The following SLC24A2 variants were observed in gnomAD, a reference collection of about 807,000 sequenced individuals.
The protein encoded by SLC24A2 is solute carrier family 24 member 2.
In SLC24A2, 36 loss-of-function variants were observed where a neutral mutation model predicts 62.0. The ratio of observed to expected loss-of-function variants is 0.58; its 90% CI spans 0.44 to 0.77. SLC24A2 has a LOEUF of 0.77. SLC24A2 is among the 30% of genes least tolerant of loss of function. The pLI is 0.00. For synonymous variants in SLC24A2, 358 were observed against 294.0 expected, an observed-to-expected ratio of 1.22 and a Z score of -2.23; for missense variants, 846 against 817.9, an observed-to-expected ratio of 1.03 and a Z score of -0.42.
At chr9:20,124,396 A>T in the SLC24A2 span, among the ~76,000 whole-genome samples, 11 of 152,304 alleles carry the variant, frequency 7.2e-5, no homozygotes, top group African/African-American at 1.9e-4. Flanking sequence ...AGAAGAAAAA[A>T]GTTTTGGTAT....
chr9:20,141,956 G>A, the SLC24A2 span, among the ~76,000 whole-genome samples: 1 of 152,068 alleles, frequency 6.6e-6, no homozygotes, highest in South Asian at 2.1e-4. Context: ...AGTGGCAGGT[G>A]CGTATAATCC....
chr9:19,607,296 C>G (rs1336488320), intron 4 of SLC24A2, among the ~76,000 whole-genome samples: 1 of 152,204 alleles, frequency 6.6e-6, no homozygotes, highest in Non-Finnish European at 1.5e-5. Context: ...ACTCTGAGTC[C>G]TCCCTTCTGA....
chr9:20,127,261 A>C, the SLC24A2 span, among the ~76,000 whole-genome samples: 1 of 152,164 alleles, frequency 6.6e-6, no homozygotes, highest in East Asian at 1.9e-4. Flanking sequence ...AATCCCCAGC[A>C]AACATTCTGA....
the SLC24A2 span, among the ~76,000 whole-genome samples, chr9:20,285,491 C>T: frequency 1.3e-5 from 2 of 152,088 alleles, no homozygotes; most frequent in Admixed American, 6.6e-5. Flanking sequence ...TGTTTCAATT[C>T]CAAGGCATCA....
the SLC24A2 span, among the ~76,000 whole-genome samples, chr9:20,094,931 T>C: frequency 6.6e-6 from 1 of 152,196 alleles, no homozygotes; most frequent in Admixed American, 6.5e-5. Context: ...TTGCCACTTT[T>C]CAAGTTTGGG....
intron 4 of SLC24A2, among the ~76,000 whole-genome samples, chr9:19,617,007 A>G (rs1365715309): frequency 2.0e-5 from 3 of 152,314 alleles, no homozygotes; most frequent in South Asian, 2.1e-4. Context: ...TGACTAAAAC[A>G]GAGTGAAATT....
chr9:20,200,026 C>A, the SLC24A2 span, among the ~76,000 whole-genome samples: 1 of 151,794 alleles, frequency 6.6e-6, no homozygotes, highest in African/African-American at 2.4e-5. Flanking sequence ...ACACCGCGAC[C>A]AGCTGATATC....
At chr9:19,714,398 C>A (rs1238873781) in intron 2 of SLC24A2, among the ~76,000 whole-genome samples, 2 of 152,132 alleles carry the variant, frequency 1.3e-5, no homozygotes, top group East Asian at 3.8e-4. Context: ...CCAAGAGCAG[C>A]CCTTCCCTTT....
At chr9:19,528,745 G>T (rs1370970723) in intron 8 of SLC24A2, among the ~76,000 whole-genome samples, 2 of 152,088 alleles carry the variant, frequency 1.3e-5, no homozygotes, top group Admixed American at 1.3e-4. Context: ...CCAGGACACT[G>T]GAACCACCCA....
At chr9:19,557,311 T>C (rs1267265287) in intron 7 of SLC24A2, among the ~76,000 whole-genome samples, 3 of 152,126 alleles carry the variant, frequency 2.0e-5, no homozygotes, top group Admixed American at 6.5e-5. Context: ...GTCAGGGTGG[T>C]GGGAACAATT....
intron 7 of SLC24A2, among the ~76,000 whole-genome samples, chr9:19,561,296 TACC>T (rs1385666943): frequency 6.6e-6 from 1 of 151,842 alleles, no homozygotes; most frequent in Non-Finnish European, 1.5e-5. Flanking sequence ...TCCTATCACT[TACC>T]TCTTATCCAT....
chr9:20,072,084 C>G, the SLC24A2 span, among the ~76,000 whole-genome samples: 5 of 152,104 alleles, frequency 3.3e-5, no homozygotes, highest in African/African-American at 1.2e-4. Context: ...CTGCCAGCCT[C>G]CACGTGCTAA....
chr9:19,617,594 C>T (rs573508294), intron 4 of SLC24A2, among the ~76,000 whole-genome samples: 13 of 152,282 alleles, frequency 8.5e-5, no homozygotes, highest in Admixed American at 6.5e-5. Flanking sequence ...CCCAAAGGAT[C>T]GTCTTGCATA....
chr9:20,212,544 G>A, the SLC24A2 span, among the ~76,000 whole-genome samples: 1 of 151,600 alleles, frequency 6.6e-6, no homozygotes, highest in African/African-American at 2.4e-5. Context: ...CCAGCTACTC[G>A]GGAGGCATAT....
the SLC24A2 span, among the ~76,000 whole-genome samples, chr9:20,194,048 A>G: frequency 6.6e-6 from 1 of 152,148 alleles, no homozygotes; most frequent in African/African-American, 2.4e-5. Flanking sequence ...TAAATGAGGT[A>G]TTTCAAATTA....
chr9:20,041,048 T>A, the SLC24A2 span, among the ~76,000 whole-genome samples: 1 of 152,246 alleles, frequency 6.6e-6, no homozygotes, highest in African/African-American at 2.4e-5. Context: ...TTTTAGGACA[T>A]CGACTTTCTT....
chr9:20,297,815 G>C, the SLC24A2 span, among the ~76,000 whole-genome samples: 2 of 152,200 alleles, frequency 1.3e-5, no homozygotes, highest in South Asian at 4.1e-4. Flanking sequence ...ATACTCCCAG[G>C]GACGGAACAT....
chr9:20,154,703 A>C, the SLC24A2 span, among the ~76,000 whole-genome samples: 1 of 151,742 alleles, frequency 6.6e-6, no homozygotes, highest in Non-Finnish European at 1.5e-5. Context: ...GGCTCCATGT[A>C]ACAGAATATA....
At chr9:19,998,302 G>T in the SLC24A2 span, among the ~76,000 whole-genome samples, 16 of 152,226 alleles carry the variant, frequency 1.1e-4, no homozygotes, top group Admixed American at 9.8e-4. Context: ...GGTTAACTCA[G>T]CCTGAACTCG....
Sources: allele counts gnomAD v4.1 joint callset (sites outside exome capture counted in the v4.1 genomes callset), GRCh38; gene constraint gnomAD v4.1.1; transcripts MANE v1.5; gene names NCBI Gene and HGNC (gene_info 2026-07-23, HGNC 2026-07-21).